DMXL2: variants seen among roughly 807,000 people sequenced by gnomAD.
DMXL2 encodes the protein dmX-like protein 2.
A neutral mutation model predicts 331.1 loss-of-function variants in DMXL2; 103 were observed. The ratio of observed to expected loss-of-function variants is 0.31; its 90% CI spans 0.27 to 0.37. DMXL2 has a LOEUF of 0.37. DMXL2 is among the 10% of genes least tolerant of loss of function. The pLI is 1.00. For synonymous variants in DMXL2, 1,281 were observed against 1,252.1 expected, an observed-to-expected ratio of 1.02 and a Z score of -0.49; for missense variants, 3,171 against 3,642.9, an observed-to-expected ratio of 0.87 and a Z score of 3.33.
intron 2 of DMXL2, among the ~76,000 whole-genome samples, chr15:51,571,579 AAT>A (rs1324488545): frequency 6.6e-6 from 1 of 152,216 alleles, no homozygotes; most frequent in Non-Finnish European, 1.5e-5. Context: ...AATCATAACA[AAT>A]AGTCTCTCAG....
rs199971472 is a variant in DMXL2, at chr15:51,514,569, CA to C, written c.2527-11del. The C allele has an allele frequency of 7.4e-4, 1,083 of 1,467,424 alleles. No homozygotes were observed. The highest frequency in any genetic ancestry group is 1.7e-3 in the Admixed American group (83 of 49,284). The allele number at this position is 1,467,424 out of a possible 1,614,324, so 90.9% of individuals were successfully genotyped here. ...GTGTATTTGAGCCACACTACAAATA[CA>C]AAAAAAAATGAAGAGGTTTTATCTT... is the stretch of plus-strand genomic sequence containing the variant. On this transcript the variant is annotated splice_polypyrimidine_tract_variant and intron_variant, in intron 14 of 43. Transcript: ENST00000560891.
chr15:51,451,267 A>C (rs909104359), intron 42 of DMXL2, among the ~76,000 whole-genome samples: 1 of 152,198 alleles, frequency 6.6e-6, no homozygotes, highest in African/African-American at 2.4e-5. Flanking sequence ...GATCTCCACA[A>C]AAAGGAAAAA....
At chr15:51,478,092 C>G (rs999140499) in intron 26 of DMXL2, among the ~76,000 whole-genome samples, 179 bp downstream of exon 26, 7 of 151,998 alleles carry the variant, frequency 4.6e-5, no homozygotes, top group African/African-American at 1.7e-4. Context: ...TTCTCTGTGA[C>G]TACTAGGTGA....
intron 22 of DMXL2, 113 bp downstream of exon 22, chr15:51,487,841 G>A: frequency 1.2e-6 from 1 of 867,156 alleles, no homozygotes. Flanking sequence ...AGCAACCTCT[G>A]TAGTTATTCT....
At chr15:51,544,467 T>C (rs1767907726) in intron 8 of DMXL2, among the ~76,000 whole-genome samples, 2 of 152,170 alleles carry the variant, frequency 1.3e-5, no homozygotes, top group Admixed American at 6.5e-5. Flanking sequence ...ATGAGCCAAT[T>C]AAACCTCTTT....
chr15:51,502,931 G>C lies in DMXL2; in HGVS notation c.2867C>G (p.Pro956Arg). Residue 956 changes from proline to arginine, a missense_variant, in exon 17 of 44, where the codon CCA becomes CGA. Physicochemically the swap from Pro to Arg is moderately radical, Grantham distance 103 (BLOSUM62 -2). Coordinates refer to ENST00000560891, the MANE Select transcript of DMXL2 (RefSeq NM_001378457.1). ...PETSPSVSPM[P>R]HSSSIANLQT... Reference sequence around the variant, plus strand: ...AAGATTGGCAATTGATGAAGAATGTGGCATGGGGCTCACACTAGGAGAGGT... The same window carrying C: ...AAGATTGGCAATTGATGAAGAATGTCGCATGGGGCTCACACTAGGAGAGGT... 6.2e-7 allele frequency: 1 copy of C among 1,614,066 alleles called. No individual in the cohort carries two copies. The highest frequency in any genetic ancestry group is 8.5e-7 in the Non-Finnish European group (1 of 1,179,948).
intron 2 of DMXL2, among the ~76,000 whole-genome samples, chr15:51,570,627 G>A (rs1209516254): frequency 6.6e-6 from 1 of 152,140 alleles, no homozygotes; most frequent in African/African-American, 2.4e-5. Flanking sequence ...GAAGACAGTG[G>A]GGGCCAATAT....
At chr15:51,620,770 G>C (rs1257971171) in intron 1 of DMXL2, among the ~76,000 whole-genome samples, 2 of 152,144 alleles carry the variant, frequency 1.3e-5, no homozygotes, top group African/African-American at 2.4e-5. Flanking sequence ...CGCTGAATTA[G>C]GGAAGTGCAA....
chr15:51,543,071 A>G (rs1030749066), intron 8 of DMXL2, among the ~76,000 whole-genome samples: 15 of 152,152 alleles, frequency 9.9e-5, no homozygotes, highest in African/African-American at 3.6e-4. Context: ...GTTTTAAACA[A>G]TTTGCAATTT....
At chr15:51,542,632 A>G (rs905518986) in intron 8 of DMXL2, 125 bp from the exon 9 acceptor site, 2 of 667,326 alleles carry the variant, frequency 3.0e-6, no homozygotes, top group Admixed American at 6.2e-5. Flanking sequence ...TTTTAAAGGA[A>G]ACTTTTTAAA....
chr15:51,491,513 G>A, intron 20 of DMXL2, 65 bp downstream of exon 20: 1 of 1,470,484 alleles, frequency 6.8e-7, no homozygotes, highest in Non-Finnish European at 9.3e-7. Flanking sequence ...CTGGGAGATA[G>A]TATCTTTTTT....
rs1001205945 is a variant in DMXL2 at position 51,461,383 on chromosome 15, C to T, written c.7927-1723G>A. On this transcript the variant is annotated intron_variant, in intron 33 of 43. Transcript: ENST00000560891. Reference sequence around the variant, plus strand: ...AACCCAGACACCTGGCTTCCCACAGCACTCTACACTCTGACAAGTCAACCA... The same window carrying T: ...AACCCAGACACCTGGCTTCCCACAGTACTCTACACTCTGACAAGTCAACCA... 4.6e-5 allele frequency among the ~76,000 whole-genome samples: 7 copies of T among 151,692 alleles called. No homozygotes were observed. The South Asian group carries it at 1.5e-3, about 32-fold the overall frequency.
At position 51,535,794 on chromosome 15, in the gene DMXL2, GA is replaced by G; in HGVS notation, c.2315-11del. 1 of 1,592,508 alleles carries G rather than the reference GA, an allele frequency of 6.3e-7. No homozygotes were observed. Among genetic ancestry groups the G allele is most frequent in the South Asian group, 1.2e-5 (1 of 86,266 alleles). On this transcript the variant is annotated splice_polypyrimidine_tract_variant and intron_variant, in intron 12 of 43. Transcript: ENST00000560891. ...GAATTGCAGTATGTGCCTGAGAAAG[GA>G]AAACAAGGCCTCTGGGTTCTAAACA...
intron 1 of DMXL2, among the ~76,000 whole-genome samples, chr15:51,609,516 C>T (rs911772071): frequency 1.3e-5 from 2 of 152,186 alleles, no homozygotes; most frequent in African/African-American, 2.4e-5. Context: ...TGTTTAGATA[C>T]ACAAATACCA....
Position 51,622,488 on chromosome 15 carries a change from C to T in DMXL2, c.58G>A (p.Val20Met), listed in dbSNP as rs748258287. Residue 20 changes from valine to methionine, a missense_variant, in exon 1 of 44, where the codon GTG becomes ATG. By Grantham distance (21) the Val-to-Met change is conservative. Coordinates refer to ENST00000560891, the MANE Select transcript of DMXL2 (RefSeq NM_001378457.1). ...AAGGGGACATCCCCGACGCTGCCCA[C>T]GGAGTAGCAGTTGTCTCCAGGGTTG... ...AVNPGDNCYSVGSVGDVPFTA... is the reference protein window; with the variant it reads ...AVNPGDNCYSMGSVGDVPFTA... 2.5e-6 allele frequency: 4 copies of T among 1,569,634 alleles called. No individual in the cohort carries two copies. Among genetic ancestry groups the T allele is most frequent in the Non-Finnish European group, 3.5e-6 (4 of 1,156,770 alleles).
At chr15:51,603,984 GA>G in intron 1 of DMXL2, among the ~76,000 whole-genome samples, 1 of 151,860 alleles carries the variant, frequency 6.6e-6, no homozygotes, top group Non-Finnish European at 1.5e-5. Context: ...TATTCTTAAT[GA>G]ACACAGATGC....
rs764905984 is a variant in DMXL2 at position 51,563,430 on chromosome 15, T to C, written c.518A>G (p.His173Arg). The change falls in exon 6 of 44, where the codon CAT (histidine) becomes CGT (arginine). Residue 173 changes from histidine to arginine, a missense_variant. His to Arg is a conservative substitution (Grantham distance 29). Coordinates refer to ENST00000560891, the MANE Select transcript of DMXL2 (RefSeq NM_001378457.1). Reference sequence around the variant, plus strand: ...ACCATCAGGAGACCATTCCATCAAATGTACAGATACTGAGGTTCTAAAAAA... The same window carrying C: ...ACCATCAGGAGACCATTCCATCAAACGTACAGATACTGAGGTTCTAAAAAA... ...VWQCKTSVSV[H>R]LMEWSPDGEY... 1 of 1,609,622 alleles carries C rather than the reference T, an allele frequency of 6.2e-7. No homozygotes were observed. Among genetic ancestry groups the C allele is most frequent in the East Asian group, 2.2e-5 (1 of 44,546 alleles).
intron 16 of DMXL2, among the ~76,000 whole-genome samples, chr15:51,503,995 A>G (rs1035706572): frequency 6.6e-6 from 1 of 152,126 alleles, no homozygotes; most frequent in African/African-American, 2.4e-5. Context: ...ACAGGGAAGA[A>G]TCACAACATG....
chr15:51,541,674 T>A (rs2140910498), intron 9 of DMXL2, among the ~76,000 whole-genome samples: 1 of 152,262 alleles, frequency 6.6e-6, no homozygotes, highest in African/African-American at 2.4e-5. Context: ...CAACTATAAC[T>A]TTATATAAAA....
Sources: allele counts gnomAD v4.1 joint callset (sites outside exome capture counted in the v4.1 genomes callset), GRCh38; gene constraint gnomAD v4.1.1; transcripts MANE v1.5; gene names NCBI Gene and HGNC (gene_info 2026-07-23, HGNC 2026-07-21).